The following FHIP2A variants were observed in gnomAD, a reference collection of about 807,000 sequenced individuals.
FHIP2A encodes the protein family with sequence similarity 160 member B1.
Under a neutral mutation model 93.5 loss-of-function variants are expected in FHIP2A, and 46 were observed. That is an observed-to-expected ratio of 0.49 (90% confidence interval 0.39 to 0.63). FHIP2A has a LOEUF of 0.63. Ranked by LOEUF, FHIP2A falls within the 20% of genes least tolerant of loss-of-function variation. The pLI is 0.00. For missense variants in FHIP2A, 769 were observed against 909.7 expected, an observed-to-expected ratio of 0.85 and a Z score of 1.99; for synonymous variants, 332 against 326.5, an observed-to-expected ratio of 1.02 and a Z score of -0.18.
At chr10:114,833,186 C>A in intron 2 of FHIP2A, 47 bp from the exon 3 acceptor site, 1 of 1,440,324 alleles carries the variant, frequency 6.9e-7, no homozygotes. Flanking sequence ...TGCAAATATG[C>A]AGTTTAAAAA....
rs759594250 is a variant in FHIP2A, at chr10:114,830,885, G to T, written c.79G>T (p.Val27Phe). Reference protein sequence around the residue: ...APSLPLQEDFVYHWKAITHYY... With the variant: ...APSLPLQEDFFYHWKAITHYY... ...TTCTCTTCCTTTACAAGAAGATTTT[G>T]TTTATCACTGGAAGGCAATTACCCA... is the stretch of plus-strand genomic sequence containing the variant. The change falls in exon 2 of 17, where the codon GTT (valine) becomes TTT (phenylalanine). Residue 27 changes from valine to phenylalanine, a missense_variant. Coordinates refer to ENST00000369248, the MANE Select transcript of FHIP2A (RefSeq NM_020940.4). 2 of 1,610,140 alleles carry T rather than the reference G, an allele frequency of 1.2e-6. No individual in the cohort carries two copies. Among genetic ancestry groups the T allele is most frequent in the South Asian group, 2.2e-5 (2 of 90,086 alleles).
intron 16 of FHIP2A, among the ~76,000 whole-genome samples, chr10:114,872,217 C>T (rs35622181): frequency 0.32 from 48,447 of 151,882 alleles, 8,317 homozygotes; most frequent in South Asian, 0.39. Context: ...CAAAAACTTC[C>T]ACTGTCAGAG....
At chr10:114,848,793 C>G in intron 13 of FHIP2A, 56 bp downstream of exon 13, 1 of 1,100,108 alleles carries the variant, frequency 9.1e-7, no homozygotes. Flanking sequence ...ACATGCACAC[C>G]CCTTGTCACA....
chr10:114,883,731 A>G (rs1338443620), intron 16 of FHIP2A, among the ~76,000 whole-genome samples: 1 of 151,994 alleles, frequency 6.6e-6, no homozygotes, highest in Non-Finnish European at 1.5e-5. Flanking sequence ...ACAGGCATGC[A>G]CCACCCCTGG....
rs1036342798 is a variant in FHIP2A at position 114,821,834 on chromosome 10, C to A, written c.-245C>A. 40 of 233,266 alleles carry A rather than the reference C, an allele frequency of 1.7e-4. No homozygotes were observed. Among genetic ancestry groups the A allele is most frequent in the Admixed American group, 6.4e-4 (11 of 17,300 alleles). 14.4% of individuals were successfully genotyped at this position (233,266 alleles called of 1,614,324 possible). A position where few individuals can be genotyped will look rare whatever the true frequency, so the allele number is the denominator to read the frequency against. ...TGCCGCCGCCGGAGCTTCTCCGGGC[C>A]CCGAGTCCTCGCCGAACGCCCTCCT... is the stretch of plus-strand genomic sequence containing the variant. On this transcript the variant is annotated 5_prime_UTR_variant, in exon 1 of 17. Transcript: ENST00000369248.
Position 114,846,206 on chromosome 10 carries a change from C to T in FHIP2A, c.1237C>T (p.Leu413=), listed in dbSNP as rs761813163. The change falls in exon 10 of 17, where the codon CTG becomes TTG. Residue 413 remains leucine, a synonymous_variant. Coordinates refer to ENST00000369248, the MANE Select transcript of FHIP2A (RefSeq NM_020940.4). ...GATGGGTATTCTCACATCCACTGCT[C>T]TGCTTCATCGCATCGTTCGGCAAGT... ...SEMGILTSTA[L]LHRIVRQVTS... is the part of the protein sequence containing the mutation. 1 of 1,614,200 alleles carries T rather than the reference C, an allele frequency of 6.2e-7. No homozygotes were observed. Among genetic ancestry groups the T allele is most frequent in the Admixed American group, 1.7e-5 (1 of 60,026 alleles).
intron 3 of FHIP2A, among the ~76,000 whole-genome samples, chr10:114,834,641 C>T (rs1434132566): frequency 6.6e-6 from 1 of 152,154 alleles, no homozygotes; most frequent in African/African-American, 2.4e-5. Flanking sequence ...TCTTAATCTG[C>T]AGTGTGAGTG....
chr10:114,867,425 T>G (rs2143013901), downstream of FHIP2A, among the ~76,000 whole-genome samples: 1 of 152,278 alleles, frequency 6.6e-6, no homozygotes, highest in Non-Finnish European at 1.5e-5. Context: ...GACTATTGTA[T>G]AGTGAGAAGG....
chr10:114,851,337 G>A (rs2083734685), intron 13 of FHIP2A, among the ~76,000 whole-genome samples: 1 of 152,134 alleles, frequency 6.6e-6, no homozygotes. Flanking sequence ...CTTTCTAAGA[G>A]TTTCATAGTT....
chr10:114,876,784 T>G (rs565964312), intron 16 of FHIP2A, among the ~76,000 whole-genome samples: 1 of 152,204 alleles, frequency 6.6e-6, no homozygotes, highest in East Asian at 1.9e-4. Flanking sequence ...CTGGTGAGAC[T>G]TCTTCTCTGC....
At chr10:114,871,687 G>A (rs1235636394) in intron 16 of FHIP2A, among the ~76,000 whole-genome samples, 1 of 152,056 alleles carries the variant, frequency 6.6e-6, no homozygotes, top group Non-Finnish European at 1.5e-5. Context: ...CCAATCTAGC[G>A]AGGGGATCCA....
At chr10:114,848,410 A>G (rs1056498567) in intron 12 of FHIP2A, among the ~76,000 whole-genome samples, 13 of 152,220 alleles carry the variant, frequency 8.5e-5, no homozygotes, top group African/African-American at 2.9e-4. Flanking sequence ...AATAATGAGA[A>G]TATTTAATCA....
At chr10:114,891,798 T>G (rs1391678070) in intron 16 of FHIP2A, among the ~76,000 whole-genome samples, 1 of 151,864 alleles carries the variant, frequency 6.6e-6, no homozygotes, top group Non-Finnish European at 1.5e-5. Context: ...ATATATTTAG[T>G]AGAGATGCGG....
In FHIP2A at chr10:114,828,527, T is replaced by A. The variant is rs140967204; in HGVS notation, c.46-2325T>A. Among the ~76,000 whole-genome samples the A allele has an allele frequency of 6.8e-3, 1,042 of 152,354 alleles. 8 individuals are homozygous for A. Among genetic ancestry groups the A allele is most frequent in the African/African-American group, 0.024 (1,002 of 41,584 alleles). On this transcript the variant is annotated intron_variant, in intron 1 of 16. Coordinates refer to ENST00000369248, the MANE Select transcript of FHIP2A (RefSeq NM_020940.4). ...GGTTTGTCCCACTCGTGAATGCACT[T>A]AACTGTATAAAGGTAGTCTATAGAA...
intron 16 of FHIP2A, among the ~76,000 whole-genome samples, chr10:114,890,654 C>CA (rs1566390221): frequency 5.6e-5 from 8 of 143,460 alleles, no homozygotes; most frequent in African/African-American, 2.1e-4. Flanking sequence ...ATGACATATA[C>CA]GGTATATAAA....
chr10:114,877,807 G>A (rs1377320387), intron 16 of FHIP2A, among the ~76,000 whole-genome samples: 2 of 152,208 alleles, frequency 1.3e-5, no homozygotes, highest in Non-Finnish European at 2.9e-5. Flanking sequence ...GTCATCTTGC[G>A]TCTGGAAGCC....
At chr10:114,837,400 A>C (rs1327552020) in intron 5 of FHIP2A, among the ~76,000 whole-genome samples, 1 of 152,126 alleles carries the variant, frequency 6.6e-6, no homozygotes, top group East Asian at 1.9e-4. Context: ...CTGGAATCCC[A>C]CTTATTTGAG....
At chr10:114,828,270 A>G (rs985373608) in intron 1 of FHIP2A, among the ~76,000 whole-genome samples, 1 of 152,206 alleles carries the variant, frequency 6.6e-6, no homozygotes, top group Admixed American at 6.5e-5. Flanking sequence ...ATTTGACTGT[A>G]ACCTACAACA....
intron 16 of FHIP2A, among the ~76,000 whole-genome samples, chr10:114,874,050 G>C (rs947817564): frequency 4.6e-5 from 7 of 152,178 alleles, no homozygotes; most frequent in African/African-American, 1.2e-4. Context: ...TAGACACGTG[G>C]TATTTATAAA....
Sources: gnomAD v4.1 joint callset for allele counts (sites outside exome capture counted in the v4.1 genomes callset) on GRCh38, gnomAD v4.1.1 for gene constraint, MANE v1.5 for transcripts, NCBI Gene and HGNC (gene_info 2026-07-23, HGNC 2026-07-21) for gene names.